The following APP variants were observed in gnomAD, a reference collection of about 807,000 sequenced individuals.
APP encodes the protein amyloid-beta precursor protein.
APP carries 31 observed loss-of-function variants against 101.4 expected under a neutral mutation model. The observed-to-expected ratio is 0.31, with a 90% CI of 0.23 to 0.41. APP has a LOEUF of 0.41. Ranked by LOEUF, APP falls within the 10% of genes least tolerant of loss-of-function variation. The pLI, the probability that APP is intolerant of heterozygous loss-of-function variation, is 1.00. For synonymous variants in APP, 366 were observed against 364.4 expected, an observed-to-expected ratio of 1.00 and a Z score of -0.05; for missense variants, 839 against 1,003.7, an observed-to-expected ratio of 0.84 and a Z score of 2.22.
At chr21:26,105,068 CAAAAAAAAAA>C (rs10579923) in intron 2 of APP, among the ~76,000 whole-genome samples, 2 of 110,500 alleles carry the variant, frequency 1.8e-5, no homozygotes, top group South Asian at 2.9e-4. Context: ...GCATTTTTTT[CAAAAAAAAAA>C]AAAAAAAAAA....
rs1423602670 is a variant in APP at position 25,881,512 on chromosome 21, C to T, written c.*158G>A. 4 of 779,194 alleles carry T rather than the reference C, an allele frequency of 5.1e-6. No individual in the cohort carries two copies. Among genetic ancestry groups the T allele is most frequent in the Non-Finnish European group, 8.8e-6 (4 of 455,038 alleles). 48.3% of individuals were successfully genotyped at this position (779,194 alleles called of 1,614,324 possible). A position where few individuals can be genotyped will look rare whatever the true frequency, so the allele number is the denominator to read the frequency against. ...ACTGATGTGTGGATTAATTCAAGTT[C>T]AGGCATCTACTTGTGTTACAGCACA... is the stretch of plus-strand genomic sequence containing the variant. On this transcript the variant is annotated 3_prime_UTR_variant, in exon 18 of 18. Coordinates refer to ENST00000346798, the MANE Select transcript of APP (RefSeq NM_000484.4).
At chr21:26,037,521 G>A (rs896321298) in intron 5 of APP, among the ~76,000 whole-genome samples, 2 of 151,958 alleles carry the variant, frequency 1.3e-5, no homozygotes, top group Non-Finnish European at 1.5e-5. Flanking sequence ...TTTAATGAAC[G>A]GTCTATGCTT....
intron 6 of APP, among the ~76,000 whole-genome samples, chr21:26,007,973 T>A (rs2146713242): frequency 6.6e-6 from 1 of 152,306 alleles, no homozygotes; most frequent in East Asian, 1.9e-4. Context: ...TTATGACAAA[T>A]CTCACTTAAG....
At chr21:26,165,709 G>A (rs1371995219) in intron 1 of APP, among the ~76,000 whole-genome samples, 3 of 152,106 alleles carry the variant, frequency 2.0e-5, no homozygotes, top group African/African-American at 7.2e-5. Flanking sequence ...GTCTCGCAAG[G>A]TTCAAGCTAA....
In APP at chr21:25,982,435, T is replaced by C; in HGVS notation, c.1133A>G (p.Tyr378Cys). Residue 378 changes from tyrosine to cysteine, a missense_variant, in exon 9 of 18, where the codon TAT becomes TGT. Transcript: ENST00000346798. ...AASTPDAVDK[Y>C]LETPGDENEH... ...ATTCTCATCCCCAGGTGTCTCGAGA[T>C]ACTTGTCAACGGCATCAGGGGTACT... 6.2e-7 allele frequency: 1 copy of C among 1,613,730 alleles called. No homozygotes were observed. The highest frequency in any genetic ancestry group is 8.5e-7 in the Non-Finnish European group (1 of 1,179,774).
chr21:25,931,943 T>G (rs1292907549), intron 13 of APP, among the ~76,000 whole-genome samples: 1 of 152,160 alleles, frequency 6.6e-6, no homozygotes, highest in South Asian at 2.1e-4. Context: ...CACAGGCGCT[T>G]TGAAAAAAAC....
intron 2 of APP, among the ~76,000 whole-genome samples, chr21:26,097,725 T>A (rs1292771205): frequency 2.0e-5 from 3 of 152,224 alleles, no homozygotes; most frequent in Non-Finnish European, 4.4e-5. Context: ...GCAGCCTACC[T>A]ACCTGGTCAT....
intron 1 of APP, among the ~76,000 whole-genome samples, chr21:26,135,112 C>A (rs1236796440): frequency 6.6e-6 from 1 of 152,172 alleles, no homozygotes; most frequent in Non-Finnish European, 1.5e-5. Context: ...AGTGAATAGA[C>A]AGCAAGAGAT....
intron 15 of APP, among the ~76,000 whole-genome samples, chr21:25,903,489 G>A (rs1033046163): frequency 1.3e-5 from 2 of 152,012 alleles, no homozygotes; most frequent in Admixed American, 1.3e-4. Context: ...GCCCAATGTA[G>A]AAATTTGATA....
intron 13 of APP, among the ~76,000 whole-genome samples, chr21:25,924,683 A>C (rs926423841): frequency 6.6e-6 from 1 of 151,646 alleles, no homozygotes; most frequent in Admixed American, 6.6e-5. Context: ...AACCTAGATG[A>C]CGGGTTGATG....
At chr21:25,897,742 A>C (rs913603939) in intron 15 of APP, 69 bp from the exon 16 acceptor site, 5 of 1,362,026 alleles carry the variant, frequency 3.7e-6, no homozygotes, top group Non-Finnish European at 5.2e-6. Flanking sequence ...TAACACTGTA[A>C]GACAAAGCCT....
intron 1 of APP, among the ~76,000 whole-genome samples, chr21:26,170,291 G>A (rs2063716439): frequency 6.6e-6 from 1 of 152,112 alleles, no homozygotes. Context: ...TGGGCTCAGG[G>A]TCGCCCCCTA....
intron 4 of APP, 72 bp from the exon 5 acceptor site, chr21:26,051,265 A>G: frequency 2.8e-6 from 4 of 1,423,828 alleles, no homozygotes; most frequent in Non-Finnish European, 2.9e-6. Flanking sequence ...TCCACATAAA[A>G]TAATCAACAT....
intron 13 of APP, among the ~76,000 whole-genome samples, chr21:25,952,883 A>C (rs933736561): frequency 2.0e-5 from 3 of 152,208 alleles, no homozygotes; most frequent in African/African-American, 7.2e-5. Flanking sequence ...ATAGTATTTT[A>C]AAGGTTCCTT....
intron 13 of APP, chr21:25,945,762 A>G: frequency 2.6e-6 from 1 of 388,872 alleles, no homozygotes; most frequent in Non-Finnish European, 5.1e-6. Flanking sequence ...ATCAAGGCTC[A>G]CTGCAGCCTC....
intron 3 of APP, chr21:26,068,204 T>C (rs974743149): frequency 6.6e-6 from 1 of 152,026 alleles, no homozygotes; most frequent in African/African-American, 2.4e-5. Flanking sequence ...CTTAACGGGG[T>C]TGTAGACTGT....
intron 2 of APP, among the ~76,000 whole-genome samples, chr21:26,111,418 G>A (rs867891622): frequency 6.6e-6 from 1 of 152,084 alleles, no homozygotes; most frequent in Non-Finnish European, 1.5e-5. Context: ...CTGTAGAGCC[G>A]TGGTGAGATA....
chr21:26,117,072 C>G (rs1303207779), intron 1 of APP, among the ~76,000 whole-genome samples: 1 of 152,120 alleles, frequency 6.6e-6, no homozygotes, highest in Non-Finnish European at 1.5e-5. Context: ...TTAGTAGAGA[C>G]AGGGTTTCAC....
At chr21:25,965,239 C>T (rs926896791) in intron 11 of APP, among the ~76,000 whole-genome samples, 2 of 152,216 alleles carry the variant, frequency 1.3e-5, no homozygotes, top group African/African-American at 4.8e-5. Context: ...GCAAAGCGCA[C>T]AGTGTTGCTG....
Sources: allele counts gnomAD v4.1 joint callset (sites outside exome capture counted in the v4.1 genomes callset), GRCh38; gene constraint gnomAD v4.1.1; transcripts MANE v1.5; gene names NCBI Gene and HGNC (gene_info 2026-07-23, HGNC 2026-07-21).